The following VPS8 variants were observed in gnomAD, a reference collection of about 807,000 sequenced individuals.
VPS8 encodes VPS8 subunit of CORVET complex.
Under a neutral mutation model 216.4 loss-of-function variants are expected in VPS8, and 129 were observed. The observed-to-expected ratio is 0.60, with a 90% CI of 0.52 to 0.69. VPS8 has a LOEUF of 0.69. VPS8 is among the 30% of genes least tolerant of loss of function. The pLI, the probability that VPS8 is intolerant of heterozygous loss-of-function variation, is 0.00. For missense variants in VPS8, 1,531 were observed against 1,683.5 expected (o/e 0.91, Z 1.59); for synonymous variants, 571 against 565.4 (o/e 1.01, Z -0.14).
chr3:185,050,613 G>A (rs767861345), intron 47 of VPS8, among the ~76,000 whole-genome samples: 3 of 152,250 alleles, frequency 2.0e-5, no homozygotes, highest in East Asian at 1.9e-4. Context: ...GCTGGTGACC[G>A]AGGGCAAGTC....
At chr3:185,002,056 A>T (rs748774853) in intron 45 of VPS8, among the ~76,000 whole-genome samples, 4 of 152,170 alleles carry the variant, frequency 2.6e-5, no homozygotes, top group Non-Finnish European at 5.9e-5. Flanking sequence ...AGTGCAACAA[A>T]CCCAGAACTA....
At chr3:185,041,751 A>G (rs933121586) in intron 46 of VPS8, among the ~76,000 whole-genome samples, 9 of 152,248 alleles carry the variant, frequency 5.9e-5, no homozygotes, top group Admixed American at 6.5e-5. Context: ...AGAGCTTCGC[A>G]GATTGTGCTG....
intron 31 of VPS8, among the ~76,000 whole-genome samples, chr3:184,927,591 T>C (rs905969507): frequency 2.2e-5 from 3 of 138,890 alleles, no homozygotes; most frequent in African/African-American, 7.7e-5. Context: ...AAAATAGACG[T>C]AACACATAAT....
At chr3:184,989,187 T>C (rs909841998) in intron 42 of VPS8, among the ~76,000 whole-genome samples, 9 of 152,216 alleles carry the variant, frequency 5.9e-5, no homozygotes, top group African/African-American at 2.2e-4. Flanking sequence ...TTTGCCTTAT[T>C]TTCTGTCTTA....
chr3:184,919,644 A>G (rs1364352741), intron 28 of VPS8, among the ~76,000 whole-genome samples: 2 of 152,112 alleles, frequency 1.3e-5, no homozygotes, highest in African/African-American at 2.4e-5. Flanking sequence ...TTTTTACCAT[A>G]ATAATTTTTA....
intron 40 of VPS8, among the ~76,000 whole-genome samples, chr3:184,979,602 T>G (rs573297533): frequency 1.3e-5 from 2 of 152,352 alleles, no homozygotes; most frequent in East Asian, 3.9e-4. Flanking sequence ...CTCTTTTGTC[T>G]GAAATTAGAA....
At chr3:184,929,105 ATAGT>A (rs1315073166) in intron 32 of VPS8, among the ~76,000 whole-genome samples, 1 of 152,208 alleles carries the variant, frequency 6.6e-6, no homozygotes, top group Non-Finnish European at 1.5e-5. Flanking sequence ...TCTTGAACCT[ATAGT>A]TAAAGGTTAA....
intron 7 of VPS8, among the ~76,000 whole-genome samples, chr3:184,842,355 G>GTTT (rs748678041): frequency 7.1e-6 from 1 of 141,584 alleles, no homozygotes; most frequent in South Asian, 2.2e-4. Flanking sequence ...CTGGTTCCTG[G>GTTT]TTTTTTTTTT....
rs1478289669 is a variant in VPS8 at position 184,834,699 on chromosome 3, A to G, written c.404A>G (p.His135Arg). The G allele has an allele frequency of 9.6e-6, 15 of 1,564,048 alleles. No homozygotes were observed. Among genetic ancestry groups the G allele is most frequent in the Admixed American group, 9.5e-5 (5 of 52,750 alleles). ...TCACTTCATGGATCAGTTATGCGCC[A>G]TTCACTTTTGAAGGGAATTTCTGCC... Reference protein sequence around the residue: ...SFSLHGSVMRHSLLKGISAQI... With the variant: ...SFSLHGSVMRRSLLKGISAQI... Residue 135 changes from histidine (H) to arginine (R), a missense_variant, in exon 5 of 48, where the codon CAT (histidine) becomes CGT (arginine). This residue lies in a region of VPS8 where 199 missense variants were observed against 182.2 expected (regional missense o/e 1.09). Coordinates refer to ENST00000625842, the MANE Select transcript of VPS8 (RefSeq NM_001009921.3).
intron 7 of VPS8, among the ~76,000 whole-genome samples, chr3:184,842,186 C>CAAAAAAAAAAAAAAAAAAAAAAAAAAAA (rs71162267): frequency 1.2e-4 from 6 of 48,980 alleles, no homozygotes; most frequent in African/African-American, 1.8e-4. Context: ...GACTCCGTCT[C>CAAAAAAAAAAAAAAAAAAAAAAAAAAAA]AAAAAAAAAA....
intron 25 of VPS8, among the ~76,000 whole-genome samples, chr3:184,905,804 C>T (rs1020984247): frequency 2.0e-5 from 3 of 151,988 alleles, no homozygotes; most frequent in African/African-American, 4.8e-5. Context: ...TGTTCAACTT[C>T]ATTAGTAATG....
At position 184,825,668 on chromosome 3, in the gene VPS8, G is replaced by A. The variant is rs149816328; in HGVS notation, c.154-495G>A. 4.4e-3 allele frequency among the ~76,000 whole-genome samples: 674 copies of A among 152,254 alleles called. 7 individuals carry two copies. Among genetic ancestry groups the A allele is most frequent in the African/African-American group, 0.015 (632 of 41,544 alleles). On this transcript the variant is annotated intron_variant, in intron 2 of 47. Coordinates refer to ENST00000625842, the MANE Select transcript of VPS8 (RefSeq NM_001009921.3). ...TGTGATTCCAGCACTTTATGAGGCCGAGATGGGTGGATCACTTGAGGTCAG... is the reference window on the plus strand; with the variant it reads ...TGTGATTCCAGCACTTTATGAGGCCAAGATGGGTGGATCACTTGAGGTCAG...
intron 45 of VPS8, among the ~76,000 whole-genome samples, chr3:185,018,295 A>G (rs1366114570): frequency 6.6e-6 from 1 of 152,250 alleles, no homozygotes; most frequent in Non-Finnish European, 1.5e-5. Flanking sequence ...TAACCGAGCC[A>G]TAAAATCTGC....
chr3:184,877,235 T>C (rs1378815176), intron 21 of VPS8, among the ~76,000 whole-genome samples: 1 of 152,206 alleles, frequency 6.6e-6, no homozygotes, highest in East Asian at 1.9e-4. Context: ...TCTAAAATAC[T>C]ATGCACTGAA....
At chr3:184,847,185 A>C (rs749577505) in intron 8 of VPS8, among the ~76,000 whole-genome samples, 2 of 152,156 alleles carry the variant, frequency 1.3e-5, no homozygotes, top group African/African-American at 2.4e-5. Context: ...AAAAAAATAG[A>C]GTATTTTCTA....
intron 46 of VPS8, among the ~76,000 whole-genome samples, chr3:185,045,642 A>G (rs972563000): frequency 2.5e-4 from 38 of 152,218 alleles, no homozygotes; most frequent in African/African-American, 8.7e-4. Context: ...ATGGTGGTAC[A>G]TGCCTATAAT....
chr3:184,852,373 C>A, intron 10 of VPS8, 127 bp from the exon 11 acceptor site: 1 of 701,218 alleles, frequency 1.4e-6, no homozygotes, highest in Non-Finnish European at 2.3e-6. Flanking sequence ...AGCACTGAAT[C>A]TAGTTTAGGT....
intron 2 of VPS8, chr3:184,825,042 A>C: frequency 2.5e-6 from 1 of 404,480 alleles, no homozygotes; most frequent in South Asian, 2.7e-5. Flanking sequence ...AGTAGCTGGG[A>C]CCACAGGTGT....
In VPS8 at chr3:184,994,036, A is replaced by G; in HGVS notation, c.3639A>G (p.Gly1213=). 1 of 1,570,138 alleles carries G rather than the reference A, an allele frequency of 6.4e-7. No homozygotes were observed. Among genetic ancestry groups the G allele is most frequent in the Non-Finnish European group, 8.6e-7 (1 of 1,157,872 alleles). ...GAGAAATCCAGGGACTTATCTTGGGAATGTTAGATACCTTTAACTATGAAC... is the reference window on the plus strand; with the variant it reads ...GAGAAATCCAGGGACTTATCTTGGGGATGTTAGATACCTTTAACTATGAAC... The part of the protein sequence containing the change: ...KLGEIQGLIL[G]MLDTFNYEQT... Residue 1213 remains glycine, a synonymous_variant, in exon 43 of 48, where the codon GGA becomes GGG. Transcript: ENST00000625842.
Sources: gnomAD v4.1 joint callset for allele counts (sites outside exome capture counted in the v4.1 genomes callset) on GRCh38, gnomAD v4.1.1 for gene constraint, gnomAD v4.1.1 regional missense constraint, MANE v1.5 for transcripts, NCBI Gene and HGNC (gene_info 2026-07-23, HGNC 2026-07-21) for gene names.